NOS2: variants seen among roughly 807,000 people sequenced by gnomAD.
NOS2 encodes nitric oxide synthase 2, also known as nitric oxide synthase, inducible.
In NOS2, 96 loss-of-function variants were observed where a neutral mutation model predicts 136.0. The ratio of observed to expected loss-of-function variants is 0.71; its 90% CI spans 0.60 to 0.84. NOS2 has a LOEUF of 0.84. Ranked by LOEUF, NOS2 falls within the 40% of genes least tolerant of loss-of-function variation. NOS2 has a pLI of 0.00. For synonymous variants in NOS2, 539 were observed against 587.5 expected (o/e 0.92, Z 1.20); for missense variants, 1,237 against 1,496.9 (o/e 0.83, Z 2.87).
In NOS2 at chr17:27,779,288, CTTATTATTATTATTATTA is replaced by C. The variant is rs140152355; in HGVS notation, c.1005-250_1005-233del. ...CCATCTTGCTCAGCTAATTTTTTTC[CTTATTATTATTATTATTA>C]TTATTATTATTATTATTATTATTTT... On this transcript the variant is annotated intron_variant, in intron 9 of 26. Transcript: ENST00000313735. Among the ~76,000 whole-genome samples, 56 of 139,476 alleles carry C rather than the reference CTTATTATTATTATTATTA, an allele frequency of 4.0e-4. 1 individual carries two copies. Among genetic ancestry groups the C allele is most frequent in the South Asian group, 1.5e-3 (6 of 4,120 alleles). The allele number at this position is 139,476 out of a possible 152,430, so 91.5% of individuals were successfully genotyped here. A position where few individuals can be genotyped will look rare whatever the true frequency, so the allele number is the denominator to read the frequency against.
rs201971823 is a variant in NOS2, at chr17:27,787,794, C to T, written c.351G>A (p.Gly117=). The T allele has an allele frequency of 6.2e-7, 1 of 1,612,662 alleles. No homozygotes were observed. Among genetic ancestry groups the T allele is most frequent in the Non-Finnish European group, 8.5e-7 (1 of 1,179,396 alleles). Residue 117 remains glycine, a synonymous_variant, in exon 5 of 27, where the codon GGG becomes GGA. Coordinates refer to ENST00000313735, the MANE Select transcript of NOS2 (RefSeq NM_000625.4). ...TCAAACTTTTGGGAGTCATAATGGA[C>T]CCCAGGCAAGATTTGGACCTGCAAG... is the stretch of plus-strand genomic sequence containing the variant. ...ILTCRSKSCL[G]SIMTPKSLTR...
intron 16 of NOS2, 65 bp from the exon 17 acceptor site, chr17:27,769,216 C>T: frequency 3.4e-6 from 5 of 1,476,116 alleles, no homozygotes; most frequent in Non-Finnish European, 4.6e-6. Flanking sequence ...CAGCACCCAG[C>T]ACCAACAGCC....
intron 24 of NOS2, 145 bp downstream of exon 24, chr17:27,760,478 A>C: frequency 1.8e-6 from 2 of 1,115,570 alleles, no homozygotes; most frequent in South Asian, 3.0e-5. Context: ...CAGCCATTCT[A>C]ACCCGCAGAG....
At chr17:27,774,987 G>T (rs1908616482) in intron 11 of NOS2, among the ~76,000 whole-genome samples, 1 of 152,222 alleles carries the variant, frequency 6.6e-6, no homozygotes, top group Non-Finnish European at 1.5e-5. Flanking sequence ...ACGGGCTGTG[G>T]GGTCTGACCC....
intron 22 of NOS2, 69 bp downstream of exon 22, chr17:27,762,729 T>C (rs1402346667): frequency 8.3e-5 from 96 of 1,151,672 alleles, no homozygotes; most frequent in Non-Finnish European, 1.2e-4. Flanking sequence ...GAGCTGAATC[T>C]GAGTTGATGA....
intron 14 of NOS2, among the ~76,000 whole-genome samples, chr17:27,772,000 C>T (rs1035785495): frequency 3.3e-5 from 5 of 152,222 alleles, no homozygotes; most frequent in Non-Finnish European, 7.3e-5. Flanking sequence ...TGCAGCACTG[C>T]ATCCTGCAGA....
chr17:27,760,840 G>A (rs574494249), intron 23 of NOS2, 96 bp from the exon 24 acceptor site: 8 of 1,437,934 alleles, frequency 5.6e-6, no homozygotes, highest in Non-Finnish European at 7.4e-6. Flanking sequence ...GGAGGCGGTC[G>A]TGAGGGGGTG....
intron 2 of NOS2, 110 bp from the exon 3 acceptor site, chr17:27,789,798 G>T: frequency 1.4e-6 from 1 of 726,708 alleles, no homozygotes; most frequent in Non-Finnish European, 2.4e-6. Flanking sequence ...TGAGTCCAGA[G>T]GGTGGGAGTG....
At chr17:27,770,764 G>A in intron 15 of NOS2, 149 bp downstream of exon 15, 1 of 569,476 alleles carries the variant, frequency 1.8e-6, no homozygotes, top group South Asian at 2.4e-5. Context: ...AATTACAATG[G>A]AGGCCGGCAA....
At chr17:27,798,934 A>T in intron 1 of NOS2, 52 bp from the exon 2 acceptor site, 1 of 669,570 alleles carries the variant, frequency 1.5e-6, no homozygotes, top group Non-Finnish European at 2.7e-6. Context: ...TTTACAGAAC[A>T]GGGCTTCTCA....
Position 27,768,959 on chromosome 17 carries a change from C to A in NOS2, c.2034+18G>T. ...CTGTCATGTCCCTGCTGTGGGGCAG[C>A]TCTGGCTGGGAACTGACCTTGAAGG... On this transcript the variant is annotated intron_variant, in intron 17 of 26. Coordinates refer to ENST00000313735, the MANE Select transcript of NOS2 (RefSeq NM_000625.4). 1 of 1,580,464 alleles carries A rather than the reference C, an allele frequency of 6.3e-7. No individual in the cohort carries two copies. The highest frequency in any genetic ancestry group is 1.2e-5 in the South Asian group (1 of 86,038).
At chr17:27,779,143 T>C in intron 9 of NOS2, 87 bp from the exon 10 acceptor site, 1 of 1,063,590 alleles carries the variant, frequency 9.4e-7, no homozygotes, top group South Asian at 3.3e-5. Flanking sequence ...GGTCTTGCTC[T>C]GTTGCTCATG....
At chr17:27,773,936 C>T (rs371903692) in intron 12 of NOS2, among the ~76,000 whole-genome samples, 5 of 152,182 alleles carry the variant, frequency 3.3e-5, no homozygotes, top group Non-Finnish European at 7.3e-5. Flanking sequence ...GAATCAATAG[C>T]GTCTGACTCA....
Position 27,787,939 on chromosome 17 carries a change from A to C in NOS2, c.319-113T>G, listed in dbSNP as rs1909071435. ...CTCTCTGGCTGCTCCGGCTCCCTGCACCTCTTCTCCACCCCTGTGGCACCT... is the reference window on the plus strand; with the variant it reads ...CTCTCTGGCTGCTCCGGCTCCCTGCCCCTCTTCTCCACCCCTGTGGCACCT... On this transcript the variant is annotated intron_variant, in intron 4 of 26. Transcript: ENST00000313735. 9 of 1,129,694 alleles carry C rather than the reference A, an allele frequency of 8.0e-6. No individual in the cohort carries two copies. In the South Asian group the frequency reaches 1.5e-4, roughly 18 times the overall value. 70.0% of individuals were successfully genotyped at this position (1,129,694 alleles called of 1,614,324 possible).
At chr17:27,793,700 G>T (rs1261981295) in intron 2 of NOS2, 1 of 394,758 alleles carries the variant, frequency 2.5e-6, no homozygotes, top group Non-Finnish European at 4.5e-6. Context: ...CGCATGGCCC[G>T]GCTCCTTAGG....
intron 19 of NOS2, 67 bp from the exon 20 acceptor site, chr17:27,765,783 G>T: frequency 6.8e-7 from 1 of 1,462,616 alleles, no homozygotes; most frequent in Non-Finnish European, 9.2e-7. Context: ...TGATGGGCAG[G>T]CGAGATTCCC....
chr17:27,782,259 C>G (rs184785164), intron 6 of NOS2, among the ~76,000 whole-genome samples, 153 bp from the exon 7 acceptor site: 1 of 152,262 alleles, frequency 6.6e-6, no homozygotes, highest in Admixed American at 6.5e-5. Context: ...CCAATCTGCA[C>G]CTGCCACTCA....
intron 24 of NOS2, 47 bp downstream of exon 24, chr17:27,760,576 C>G (rs11871315): frequency 2.6e-6 from 4 of 1,550,516 alleles, no homozygotes; most frequent in Non-Finnish European, 3.5e-6. Flanking sequence ...CCTAGGCAGG[C>G]GCTGGCCCCC....
At chr17:27,781,965 A>C in intron 7 of NOS2, 50 bp downstream of exon 7, 1 of 1,531,238 alleles carries the variant, frequency 6.5e-7, no homozygotes, top group Non-Finnish European at 9.0e-7. Context: ...TTTGGCTAAG[A>C]TTCTCAGGCA....
Sources: gnomAD v4.1 joint callset for allele counts (sites outside exome capture counted in the v4.1 genomes callset) on GRCh38, gnomAD v4.1.1 for gene constraint, MANE v1.5 for transcripts, NCBI Gene and HGNC (gene_info 2026-07-23, HGNC 2026-07-21) for gene names.